Variants in SETMAR observed in about 807,000 individuals in gnomAD.
SETMAR encodes the protein histone-lysine N-methyltransferase SETMAR.
A neutral mutation model predicts 58.4 loss-of-function variants in SETMAR; 44 were observed. The ratio of observed to expected loss-of-function variants is 0.75; its 90% CI spans 0.59 to 0.97. The LOEUF (loss-of-function observed/expected upper bound fraction) is 0.97. Ranked by LOEUF, SETMAR falls within the 50% of genes least tolerant of loss-of-function variation. The pLI, the probability that SETMAR is intolerant of heterozygous loss-of-function variation, is 0.00. For synonymous variants in SETMAR, 332 were observed against 307.4 expected, an observed-to-expected ratio of 1.08 and a Z score of -0.84; for missense variants, 903 against 840.2, an observed-to-expected ratio of 1.07 and a Z score of -0.92.
In SETMAR at chr3:4,308,297, C is replaced by G. The variant is rs538868418; in HGVS notation, c.157-4601C>G. Among the ~76,000 whole-genome samples the G allele has an allele frequency of 4.6e-5, 7 of 152,292 alleles. No homozygotes were observed. In the South Asian group the frequency reaches 1.2e-3, roughly 27 times the overall value. On this transcript the variant is annotated intron_variant, in intron 1 of 2. Coordinates refer to ENST00000358065, the MANE Select transcript of SETMAR (RefSeq NM_006515.4). ...ATTTTCTTCACTACCCTACTATGCA[C>G]TACCTGCAAAATTTTTATTGAACAC...
At chr3:4,310,394 C>A (rs1698358260) in intron 1 of SETMAR, among the ~76,000 whole-genome samples, 1 of 152,116 alleles carries the variant, frequency 6.6e-6, no homozygotes. Flanking sequence ...AAGTCATTAT[C>A]ATCTGAAATG....
At chr3:4,305,037 A>G (rs899850044) in intron 1 of SETMAR, among the ~76,000 whole-genome samples, 4 of 152,178 alleles carry the variant, frequency 2.6e-5, no homozygotes, top group African/African-American at 9.7e-5. Flanking sequence ...CTGGTTAACA[A>G]TTGGTTGAGT....
In SETMAR at chr3:4,313,074, T is replaced by C; in HGVS notation, c.333T>C (p.Tyr111=). 2 of 1,613,960 alleles carry C rather than the reference T, an allele frequency of 1.2e-6. No homozygotes were observed. The highest frequency in any genetic ancestry group is 1.7e-6 in the Non-Finnish European group (2 of 1,179,944). The change falls in exon 2 of 3, where the codon TAT becomes TAC. Residue 111 remains tyrosine, a synonymous_variant. Coordinates refer to ENST00000358065, the MANE Select transcript of SETMAR (RefSeq NM_006515.4). ...CLRDIGSGGK[Y]AEPVFECNVL... ...GAGATATAGGATCTGGAGGAAAGTA[T>C]GCAGAGCCTGTTTTTGAATGCAATG...
At chr3:4,307,491 C>A (rs1698237243) in intron 1 of SETMAR, among the ~76,000 whole-genome samples, 1 of 152,146 alleles carries the variant, frequency 6.6e-6, no homozygotes, top group Admixed American at 6.5e-5. Context: ...ATGCTATTAA[C>A]AGTAAATGTA....
At chr3:4,314,669 C>A (rs1698564362) in intron 2 of SETMAR, among the ~76,000 whole-genome samples, 1 of 152,102 alleles carries the variant, frequency 6.6e-6, no homozygotes, top group African/African-American at 2.4e-5. Flanking sequence ...AGAAAAATAA[C>A]CCTGTCCACA....
Position 4,313,371 on chromosome 3 carries a change from T to A in SETMAR, c.630T>A (p.Val210=). The part of the protein sequence containing the change: ...VYNGQVMETF[V]DPTYIGNIGR... ...ATGGGCAGGTAATGGAAACATTTGT[T>A]GACCCTACTTATATAGGAAATATTG... Residue 210 remains valine (V), a synonymous_variant, in exon 2 of 3, where the codon GTT becomes GTA. Coordinates refer to ENST00000358065, the MANE Select transcript of SETMAR (RefSeq NM_006515.4). 6.2e-7 allele frequency: 1 copy of A among 1,613,982 alleles called. No individual in the cohort carries two copies. The highest frequency in any genetic ancestry group is 1.1e-5 in the South Asian group (1 of 91,088).
chr3:4,314,848 G>A (rs989600594), intron 2 of SETMAR, among the ~76,000 whole-genome samples: 2 of 152,150 alleles, frequency 1.3e-5, no homozygotes, highest in Non-Finnish European at 2.9e-5. Flanking sequence ...ATATTATTAA[G>A]TAATTTAATT....
Position 4,317,174 on chromosome 3 carries a change from C to T in SETMAR, c.1983C>T (p.Tyr661=), listed in dbSNP as rs571679358. Residue 661 remains tyrosine, a synonymous_variant, in exon 3 of 3, where the codon TAC becomes TAT. Coordinates refer to ENST00000358065, the MANE Select transcript of SETMAR (RefSeq NM_006515.4). Reference sequence around the variant, plus strand: ...TCGAATCCCAAAGCACGGATTTTTACGCTACAGGAATAAACCAACTTATTT... The same window carrying T: ...TCGAATCCCAAAGCACGGATTTTTATGCTACAGGAATAAACCAACTTATTT... ...EFVESQSTDF[Y]ATGINQLISR... The T allele has an allele frequency of 2.5e-5, 39 of 1,549,848 alleles. No individual in the cohort carries two copies. The highest frequency in any genetic ancestry group is 1.8e-4 in the Middle Eastern group (1 of 5,488).
intron 1 of SETMAR, among the ~76,000 whole-genome samples, chr3:4,312,015 G>A (rs934753083): frequency 2.6e-5 from 4 of 152,122 alleles, no homozygotes; most frequent in African/African-American, 9.7e-5. Context: ...TTTTACAAAT[G>A]TAATGTTTTG....
At chr3:4,304,364 A>T (rs1370794636) in intron 1 of SETMAR, among the ~76,000 whole-genome samples, 2 of 151,914 alleles carry the variant, frequency 1.3e-5, no homozygotes, top group African/African-American at 4.8e-5. Flanking sequence ...CTGGTCTCGA[A>T]CTCCCAACCT....
rs753838651 is a variant in SETMAR, at chr3:4,316,770, C to G, written c.1579C>G (p.His527Asp). The change falls in exon 3 of 3, where the codon CAC becomes GAC. Residue 527 changes from histidine to aspartate, a missense_variant. His to Asp is a moderately conservative substitution (Grantham distance 81). Transcript: ENST00000358065. Reference sequence around the variant, plus strand: ...AAAGCACTTCCCAAAGCCAATCTTGCACCCAAAAAAGGTCATGGTCACTAT... The same window carrying G: ...AAAGCACTTCCCAAAGCCAATCTTGGACCCAAAAAAGGTCATGGTCACTAT... ...APKHFPKPIL[H>D]PKKVMVTIWW... The G allele has an allele frequency of 6.4e-7, 1 of 1,550,744 alleles. No homozygotes were observed.
intron 1 of SETMAR, chr3:4,303,825 C>CG (rs976900409): frequency 2.9e-6 from 4 of 1,362,946 alleles, no homozygotes; most frequent in South Asian, 2.5e-5. Flanking sequence ...GGAGGCATCA[C>CG]GGGGGGAGTC....
At chr3:4,307,620 G>C (rs1049355067) in intron 1 of SETMAR, among the ~76,000 whole-genome samples, 23 of 152,300 alleles carry the variant, frequency 1.5e-4, no homozygotes, top group African/African-American at 5.5e-4. Flanking sequence ...TCAAGGATCT[G>C]ATTTCCAGTA....
chr3:4,306,720 G>C (rs1177306510), intron 1 of SETMAR, among the ~76,000 whole-genome samples: 1 of 152,232 alleles, frequency 6.6e-6, no homozygotes, highest in African/African-American at 2.4e-5. Flanking sequence ...AAAACAGCTT[G>C]CTTGCTCCAA....
rs899524823 is a variant in SETMAR at position 4,316,103 on chromosome 3, G to C, written c.1021-109G>C. ...TTTGCATTGTTGGAATTTGGTATTT[G>C]ATATTGGAATACATTCTTAAATGTG... On this transcript the variant is annotated intron_variant, in intron 2 of 2. Transcript: ENST00000358065. 21 of 485,390 alleles carry C rather than the reference G, an allele frequency of 4.3e-5. No homozygotes were observed. In the East Asian group the frequency reaches 7.0e-4, roughly 16 times the overall value. The allele number at this position is 485,390 out of a possible 1,614,324, so 30.1% of individuals were successfully genotyped here.
Position 4,317,007 on chromosome 3 carries a change from G to T in SETMAR, c.1816G>T (p.Gly606Cys). 1 of 1,549,296 alleles carries T rather than the reference G, an allele frequency of 6.5e-7. No individual in the cohort carries two copies. Residue 606 changes from glycine to cysteine, a missense_variant, in exon 3 of 3, where the codon GGC becomes TGC. Physicochemically the swap from Gly to Cys is radical, Grantham distance 159. Coordinates refer to ENST00000358065, the MANE Select transcript of SETMAR (RefSeq NM_006515.4). Reference protein sequence around the residue: ...QPTLQKLNELGYEVLPHPPYS... With the variant: ...QPTLQKLNELCYEVLPHPPYS... ...CACACTTCAAAAGTTGAATGAATTGGGCTATGAAGTTTTGCCTCATCCACC... is the reference window on the plus strand; with the variant it reads ...CACACTTCAAAAGTTGAATGAATTGTGCTATGAAGTTTTGCCTCATCCACC...
rs1052962508 is a variant in SETMAR at position 4,317,159 on chromosome 3, A to G, written c.1968A>G (p.Gln656=). 3.0e-5 allele frequency: 47 copies of G among 1,549,478 alleles called. No individual in the cohort carries two copies. The highest frequency in any genetic ancestry group is 3.9e-5 in the Admixed American group (2 of 50,962). Residue 656 remains glutamine, a synonymous_variant, in exon 3 of 3, where the codon CAA becomes CAG. Coordinates refer to ENST00000358065, the MANE Select transcript of SETMAR (RefSeq NM_006515.4). The stretch of plus-strand genomic sequence containing the variant: ...CTTTCCAAGAGTTCGTCGAATCCCA[A>G]AGCACGGATTTTTACGCTACAGGAA... ...ENAFQEFVES[Q]STDFYATGIN... is the part of the protein sequence containing the mutation.
chr3:4,312,719 A>AAAAC (rs1698457432), intron 1 of SETMAR, among the ~76,000 whole-genome samples, 179 bp from the exon 2 acceptor site: 1 of 151,432 alleles, frequency 6.6e-6, no homozygotes, highest in African/African-American at 2.4e-5. Flanking sequence ...AAAAAAAAAA[A>AAAAC]AACTTGTTTT....
chr3:4,312,404 T>C (rs1219599055), intron 1 of SETMAR, among the ~76,000 whole-genome samples: 3 of 152,038 alleles, frequency 2.0e-5, no homozygotes, highest in African/African-American at 7.2e-5. Flanking sequence ...GAGAAAAAAA[T>C]AGTATTTTTC....
Sources: allele counts gnomAD v4.1 joint callset (sites outside exome capture counted in the v4.1 genomes callset), GRCh38; gene constraint gnomAD v4.1.1; transcripts MANE v1.5; gene names NCBI Gene and HGNC (gene_info 2026-07-23, HGNC 2026-07-21).